The following DIXDC1 variants were observed in gnomAD, a reference collection of about 807,000 sequenced individuals.
DIXDC1 encodes DIX domain containing 1, also known as dixin.
In DIXDC1, 64 loss-of-function variants were observed where a neutral mutation model predicts 103.1. The ratio of observed to expected loss-of-function variants is 0.62; its 90% CI spans 0.51 to 0.76. The LOEUF (loss-of-function observed/expected upper bound fraction) is 0.76, where lower values mean the gene tolerates loss of function less well. DIXDC1 is among the 30% of genes least tolerant of loss of function. DIXDC1 has a pLI of 0.00. For missense variants in DIXDC1, 759 were observed against 834.2 expected (o/e 0.91, Z 1.11); for synonymous variants, 266 against 298.5 (o/e 0.89, Z 1.12).
chr11:111,935,678 CG>C (rs1358561961), upstream of DIXDC1, among the ~76,000 whole-genome samples: 21 of 152,130 alleles, frequency 1.4e-4, no homozygotes, highest in Non-Finnish European at 2.9e-4. Flanking sequence ...AGTGACTCTC[CG>C]GGGGTGTTAC....
chr11:111,964,931 A>T (rs1555171373), intron 2 of DIXDC1, among the ~76,000 whole-genome samples: 1 of 152,178 alleles, frequency 6.6e-6, no homozygotes, highest in African/African-American at 2.4e-5. Context: ...CTACCAAACT[A>T]GTTGGAAAGG....
chr11:112,009,766 A>C (rs1045782883), intron 17 of DIXDC1, among the ~76,000 whole-genome samples: 30 of 152,360 alleles, frequency 2.0e-4, no homozygotes, highest in African/African-American at 6.7e-4. Flanking sequence ...ACAGCCCTTC[A>C]TGCTAAAATC....
At chr11:111,955,859 A>G (rs1212690652) in intron 1 of DIXDC1, among the ~76,000 whole-genome samples, 2 of 150,998 alleles carry the variant, frequency 1.3e-5, no homozygotes, top group African/African-American at 4.9e-5. Context: ...AAAAAAAAAA[A>G]AAGATCTTGA....
chr11:112,012,931 T>C (rs1314446403), intron 17 of DIXDC1, among the ~76,000 whole-genome samples: 1 of 152,260 alleles, frequency 6.6e-6, no homozygotes, highest in East Asian at 1.9e-4. Flanking sequence ...TTTGACATCA[T>C]GATTACTCTC....
chr11:111,992,806 G>A (rs1860750075), intron 11 of DIXDC1, 145 bp from the exon 12 acceptor site: 1 of 835,658 alleles, frequency 1.2e-6, no homozygotes, highest in African/African-American at 1.7e-5. Context: ...CTAAAAATGT[G>A]GAGAGCAGCT....
rs1555178151 is a variant in DIXDC1, at chr11:112,019,232, T to C, written c.*196T>C. ...TCTGGTACTTAAAATTCTGTCCAAATGTAGACCATGGGTTCATCTGGAGTT... is the reference window on the plus strand; with the variant it reads ...TCTGGTACTTAAAATTCTGTCCAAACGTAGACCATGGGTTCATCTGGAGTT... On this transcript the variant is annotated 3_prime_UTR_variant, in exon 20 of 20. Coordinates refer to ENST00000440460, the MANE Select transcript of DIXDC1 (RefSeq NM_001037954.4). 2 of 468,560 alleles carry C rather than the reference T, an allele frequency of 4.3e-6. No homozygotes were observed. The highest frequency in any genetic ancestry group is 7.8e-6 in the Non-Finnish European group (2 of 257,330). 29.0% of individuals were successfully genotyped at this position (468,560 alleles called of 1,614,324 possible).
intron 17 of DIXDC1, among the ~76,000 whole-genome samples, chr11:112,003,806 AAGG>A (rs1319478141): frequency 5.9e-5 from 9 of 151,926 alleles, no homozygotes; most frequent in East Asian, 5.8e-4. Context: ...CTCAAAAAAA[AAGG>A]AGAAAAGATA....
At chr11:111,931,807 G>T (rs976678459) in intron 2 of DIXDC1, among the ~76,000 whole-genome samples, 4 of 152,088 alleles carry the variant, frequency 2.6e-5, no homozygotes, top group African/African-American at 9.7e-5. Context: ...TAGAAATCAG[G>T]CTACCTGTTG....
At chr11:111,952,225 T>G (rs1262470241) in intron 1 of DIXDC1, among the ~76,000 whole-genome samples, 1 of 152,184 alleles carries the variant, frequency 6.6e-6, no homozygotes, top group African/African-American at 2.4e-5. Context: ...GAACACAGAC[T>G]AATACAATGT....
intron 1 of DIXDC1, among the ~76,000 whole-genome samples, chr11:111,956,473 G>A (rs1859369058): frequency 6.6e-6 from 1 of 152,118 alleles, no homozygotes; most frequent in African/African-American, 2.4e-5. Flanking sequence ...AATTTGAGCA[G>A]CAAAATAAAT....
chr11:111,997,402 C>T (rs1860936987), intron 17 of DIXDC1, among the ~76,000 whole-genome samples: 1 of 151,916 alleles, frequency 6.6e-6, no homozygotes, highest in African/African-American at 2.4e-5. Flanking sequence ...GTGGCGCAAT[C>T]TCTGTTCACT....
At chr11:111,929,952 A>G (rs1555167505) in intron 2 of DIXDC1, 1 of 1,508,426 alleles carries the variant, frequency 6.6e-7, no homozygotes, top group Non-Finnish European at 8.9e-7. Context: ...TGATGATGTT[A>G]CTGGAATTTC....
In DIXDC1 at chr11:111,992,433, T is replaced by G. The variant is rs1439946222; in HGVS notation, c.1132T>G (p.Leu378Val). The G allele has an allele frequency of 6.3e-7, 1 of 1,581,304 alleles. No individual in the cohort carries two copies. Among genetic ancestry groups the G allele is most frequent in the Non-Finnish European group, 8.6e-7 (1 of 1,162,988 alleles). ...CCCCTAGGATGCCTTGCAGCAGAGA[T>G]TGACTCAGCAGGACACATCTGTTCT... ...QGIKDALQQR[L>V]TQQDTSVLQL... The change falls in exon 11 of 20, where the codon TTG becomes GTG. Residue 378 changes from leucine to valine, a missense_variant. Transcript: ENST00000440460.
intron 17 of DIXDC1, among the ~76,000 whole-genome samples, chr11:112,001,938 G>T (rs1160568399): frequency 2.0e-5 from 3 of 151,910 alleles, no homozygotes; most frequent in African/African-American, 7.3e-5. Flanking sequence ...TGTATTTTTG[G>T]TAGAGACGGG....
chr11:111,970,236 G>A (rs1859870870), intron 3 of DIXDC1, among the ~76,000 whole-genome samples: 1 of 151,584 alleles, frequency 6.6e-6, no homozygotes, highest in Admixed American at 6.6e-5. Flanking sequence ...TTGTATTTTT[G>A]TAGAGACGGG....
intron 1 of DIXDC1, among the ~76,000 whole-genome samples, chr11:111,941,268 G>C (rs933062040): frequency 2.0e-5 from 3 of 152,152 alleles, no homozygotes; most frequent in Non-Finnish European, 4.4e-5. Context: ...TGTCAAACTT[G>C]GGAAAATTGA....
At chr11:111,928,156 CTG>C (rs1333154359) in intron 1 of DIXDC1, among the ~76,000 whole-genome samples, 1 of 151,928 alleles carries the variant, frequency 6.6e-6, no homozygotes, top group Non-Finnish European at 1.5e-5. Flanking sequence ...GGCCCGTTGT[CTG>C]GCAAAGACTC....
intron 1 of DIXDC1, among the ~76,000 whole-genome samples, chr11:111,938,978 G>A (rs782545700): frequency 2.0e-5 from 3 of 152,192 alleles, no homozygotes; most frequent in Non-Finnish European, 4.4e-5. Context: ...CAGAAGAGCC[G>A]GGAAGCCTAC....
At chr11:111,966,207 G>GT (rs1217671835) in intron 2 of DIXDC1, among the ~76,000 whole-genome samples, 3,356 of 109,944 alleles carry the variant, frequency 0.031, 7 homozygotes, top group Middle Eastern at 0.06. Flanking sequence ...AAAACCCGGG[G>GT]TTTTTTTTTT....
Sources: gnomAD v4.1 joint callset for allele counts (sites outside exome capture counted in the v4.1 genomes callset) on GRCh38, gnomAD v4.1.1 for gene constraint, MANE v1.5 for transcripts, NCBI Gene and HGNC (gene_info 2026-07-23, HGNC 2026-07-21) for gene names.